DCHS2: variants seen among roughly 807,000 people sequenced by gnomAD.
DCHS2 encodes protocadherin-23.
Under a neutral mutation model 182.4 loss-of-function variants are expected in DCHS2, and 142 were observed. The observed-to-expected ratio is 0.78, with a 90% CI of 0.68 to 0.89. The LOEUF is 0.89. Ranked by LOEUF, DCHS2 falls within the 40% of genes least tolerant of loss-of-function variation. The pLI is 0.00. For missense variants in DCHS2, 4,319 were observed against 4,198.6 expected, an observed-to-expected ratio of 1.03 and a Z score of -0.79; for synonymous variants, 1,740 against 1,663.3, an observed-to-expected ratio of 1.05 and a Z score of -1.12.
rs150909386 is a variant in DCHS2, at chr4:154,441,319, C to T, written c.2052+47985G>A. On this transcript the variant is annotated intron_variant, in intron 1 of 19. Coordinates refer to ENST00000357232, the MANE Select transcript of DCHS2 (RefSeq NM_001358235.2). ...GAGTCTTTGAGAGCAAAAAAGATAACATTCTGAATCAGCATTTTGGGAAGC... is the reference window on the plus strand; with the variant it reads ...GAGTCTTTGAGAGCAAAAAAGATAATATTCTGAATCAGCATTTTGGGAAGC... Among the ~76,000 whole-genome samples the T allele has an allele frequency of 5.8e-4, 89 of 152,260 alleles. 1 individual carries two copies. The highest frequency in any genetic ancestry group is 2.0e-3 in the African/African-American group (82 of 41,558).
At chr4:154,244,726 G>A (rs557768306) in intron 16 of DCHS2, among the ~76,000 whole-genome samples, 3 of 152,200 alleles carry the variant, frequency 2.0e-5, no homozygotes, top group Admixed American at 6.5e-5. Flanking sequence ...AACACAGGCT[G>A]CCTTCTGCAT....
chr4:154,309,422 T>C (rs1735586485), intron 10 of DCHS2, among the ~76,000 whole-genome samples: 1 of 152,194 alleles, frequency 6.6e-6, no homozygotes. Context: ...TCAGTCTGTT[T>C]TGCTACTCCT....
chr4:154,270,036 G>T, intron 13 of DCHS2, 23 bp from the exon 14 acceptor site: 2 of 1,581,864 alleles, frequency 1.3e-6, no homozygotes, highest in African/African-American at 1.4e-5. Flanking sequence ...GGTAAAAAAA[G>T]AACTCCATTA....
At chr4:154,476,205 A>C (rs72725351) in intron 1 of DCHS2, among the ~76,000 whole-genome samples, 25,536 of 152,194 alleles carry the variant, frequency 0.17, 2,599 homozygotes, top group Admixed American at 0.28. Context: ...TTAAAAAGTG[A>C]TTTCTTACAA....
intron 16 of DCHS2, among the ~76,000 whole-genome samples, chr4:154,243,115 G>T (rs1051878185): frequency 8.5e-5 from 13 of 152,088 alleles, no homozygotes; most frequent in Non-Finnish European, 1.3e-4. Flanking sequence ...CTGTACTTTG[G>T]ATAAGTAGAC....
At chr4:154,379,045 T>C (rs556180885) in intron 1 of DCHS2, among the ~76,000 whole-genome samples, 52 of 152,276 alleles carry the variant, frequency 3.4e-4, no homozygotes, top group Admixed American at 1.6e-3. Context: ...CCAAATGGGT[T>C]CCAGAATGCA....
At chr4:154,488,361 C>A (rs1007012350) in intron 1 of DCHS2, among the ~76,000 whole-genome samples, 1 of 152,100 alleles carries the variant, frequency 6.6e-6, no homozygotes, top group African/African-American at 2.4e-5. Context: ...AGTCCCACTG[C>A]CCCTCAGAGT....
intron 13 of DCHS2, among the ~76,000 whole-genome samples, chr4:154,277,630 C>CA (rs35543228): frequency 0.075 from 7,686 of 102,386 alleles, 641 homozygotes; most frequent in African/African-American, 0.23. Flanking sequence ...GAAATCACAC[C>CA]AAAAAAAAAA....
Position 154,426,443 on chromosome 4 carries a change from G to A in DCHS2, c.2053-48999C>T, listed in dbSNP as rs562172576. On this transcript the variant is annotated intron_variant, in intron 1 of 19. Transcript: ENST00000357232. ...CATTCCATTCATCATGATGATCTAG[G>A]TAACATAAGGGAATAAGCAGGAAGC... Among the ~76,000 whole-genome samples the A allele has an allele frequency of 2.0e-5, 3 of 152,154 alleles. No homozygotes were observed. In the East Asian group the frequency reaches 5.8e-4, roughly 29 times the overall value.
At chr4:154,456,885 T>C (rs187512189) in intron 1 of DCHS2, among the ~76,000 whole-genome samples, 318 of 152,230 alleles carry the variant, frequency 2.1e-3, no homozygotes, top group Non-Finnish European at 3.5e-3. Context: ...AAACTGTTAT[T>C]GCCATATGGG....
chr4:154,444,315 G>A (rs1734168564), intron 1 of DCHS2, among the ~76,000 whole-genome samples: 1 of 151,868 alleles, frequency 6.6e-6, no homozygotes, highest in Admixed American at 6.6e-5. Context: ...ATATTTTTTA[G>A]GTATCTCAAA....
intron 3 of DCHS2, among the ~76,000 whole-genome samples, chr4:154,344,970 G>A (rs1729290521): frequency 6.6e-6 from 1 of 152,198 alleles, no homozygotes; most frequent in South Asian, 2.1e-4. Flanking sequence ...GGAAAATGGT[G>A]CAGTTGGTGC....
At chr4:154,316,175 G>A (rs1241468519) in intron 9 of DCHS2, among the ~76,000 whole-genome samples, 188 bp from the exon 10 acceptor site, 4 of 152,020 alleles carry the variant, frequency 2.6e-5, no homozygotes, top group African/African-American at 9.7e-5. Flanking sequence ...TTTTTAGTCA[G>A]AAAAGTCATC....
In DCHS2 at chr4:154,234,713, G is replaced by T; in HGVS notation, c.9939C>A (p.Ile3313=). ...QVPPKHPRSP[I]PYHLGSLPEG... is the part of the protein sequence containing the mutation. ...CTGGCAGAGAACCAAGATGGTAGGG[G>T]ATGGGAGAGCGTGGGTGTTTCGGAG... The change falls in exon 20 of 20, where the codon ATC becomes ATA. Residue 3313 remains isoleucine, a synonymous_variant. Coordinates refer to ENST00000357232, the MANE Select transcript of DCHS2 (RefSeq NM_001358235.2). The T allele has an allele frequency of 1.2e-6, 2 of 1,614,070 alleles. No individual in the cohort carries two copies. Among genetic ancestry groups the T allele is most frequent in the Non-Finnish European group, 1.7e-6 (2 of 1,179,958 alleles).
chr4:154,332,838 G>T lies in DCHS2; in HGVS notation c.3370C>A (p.Leu1124Met). ...QRAASPLRYSLEPSVDSAMFG... is the reference protein window; with the variant it reads ...QRAASPLRYSMEPSVDSAMFG... ...ATAGCAGAGTCTACGCTGGGTTCCAGCGAGTACCTAAGAGGCGAGGCTGCA... is the reference window on the plus strand; with the variant it reads ...ATAGCAGAGTCTACGCTGGGTTCCATCGAGTACCTAAGAGGCGAGGCTGCA... The change falls in exon 5 of 20, where the codon CTG becomes ATG. Residue 1124 changes from leucine (L) to methionine (M), a missense_variant. Transcript: ENST00000357232. The T allele has an allele frequency of 1.2e-6, 2 of 1,614,258 alleles. No homozygotes were observed. Among genetic ancestry groups the T allele is most frequent in the Non-Finnish European group, 1.7e-6 (2 of 1,180,040 alleles).
At chr4:154,330,349 T>C (rs1294689332) in intron 5 of DCHS2, among the ~76,000 whole-genome samples, 1 of 141,764 alleles carries the variant, frequency 7.1e-6, no homozygotes, top group Non-Finnish European at 1.6e-5. Context: ...CATGTAGCAG[T>C]GGATAGTGAC....
chr4:154,429,836 G>T (rs935681645), intron 1 of DCHS2, among the ~76,000 whole-genome samples: 5 of 152,060 alleles, frequency 3.3e-5, no homozygotes, highest in Non-Finnish European at 5.9e-5. Flanking sequence ...AATCCCTGCT[G>T]GGCTTTTCCC....
chr4:154,418,801 A>G (rs1732976893), intron 1 of DCHS2, among the ~76,000 whole-genome samples: 1 of 152,236 alleles, frequency 6.6e-6, no homozygotes. Context: ...AGGAAACACA[A>G]TGAGATAGAT....
chr4:154,377,159 A>T, intron 2 of DCHS2, 94 bp downstream of exon 2: 2 of 1,222,764 alleles, frequency 1.6e-6, no homozygotes, highest in South Asian at 3.2e-5. Flanking sequence ...AAACAGAATG[A>T]CCCAATTGTT....
Sources: gnomAD v4.1 joint callset for allele counts (sites outside exome capture counted in the v4.1 genomes callset) on GRCh38, gnomAD v4.1.1 for gene constraint, MANE v1.5 for transcripts, NCBI Gene and HGNC (gene_info 2026-07-23, HGNC 2026-07-21) for gene names.